Variants in USH2A observed in about 807,000 individuals in gnomAD.
The protein encoded by USH2A is Usher syndrome 2A (autosomal recessive, mild).
In USH2A, 443 loss-of-function variants were observed where a neutral mutation model predicts 538.9. That is an observed-to-expected ratio of 0.82 (90% CI 0.76 to 0.89). USH2A has a LOEUF of 0.89. USH2A is among the 40% of genes least tolerant of loss of function. The pLI, the probability that USH2A is intolerant of heterozygous loss-of-function variation, is 0.00. For synonymous variants in USH2A, 2,413 were observed against 2,273.5 expected (o/e 1.06, Z -1.75); for missense variants, 6,633 against 6,324.8 (o/e 1.05, Z -1.65).
At chr1:215,789,671 G>A (rs936204698) in intron 51 of USH2A, among the ~76,000 whole-genome samples, 20 of 152,136 alleles carry the variant, frequency 1.3e-4, no homozygotes, top group African/African-American at 4.3e-4. Context: ...AAGGAAAGTG[G>A]TGGATGATGG....
At chr1:216,379,809 A>G (rs1248155410) in intron 3 of USH2A, among the ~76,000 whole-genome samples, 1 of 152,178 alleles carries the variant, frequency 6.6e-6, no homozygotes, top group Non-Finnish European at 1.5e-5. Flanking sequence ...AACAAATTAC[A>G]TTTGCGACCC....
At chr1:215,715,591 C>T (rs1349352020) in intron 61 of USH2A, among the ~76,000 whole-genome samples, 1 of 152,146 alleles carries the variant, frequency 6.6e-6, no homozygotes, top group Non-Finnish European at 1.5e-5. Context: ...GGACAGTGCT[C>T]TTGACATTTC....
intron 38 of USH2A, among the ~76,000 whole-genome samples, chr1:215,912,236 C>T (rs1004862234): frequency 2.0e-5 from 3 of 151,842 alleles, no homozygotes; most frequent in African/African-American, 7.3e-5. Context: ...GCCTTGGTTG[C>T]CTGTGCTTGT....
intron 56 of USH2A, among the ~76,000 whole-genome samples, chr1:215,764,905 TGCAGAGGAAAGTC>T (rs1419078403): frequency 2.4e-4 from 37 of 152,144 alleles, no homozygotes; most frequent in Non-Finnish European, 4.0e-4. Context: ...ATGTTTCTTC[TGCAGAGGAAAGTC>T]CATTTCATCT....
chr1:215,713,884 C>T (rs988925493), intron 61 of USH2A, among the ~76,000 whole-genome samples: 2 of 152,176 alleles, frequency 1.3e-5, no homozygotes, highest in South Asian at 2.1e-4. Context: ...AAAGAAAAGG[C>T]TTTAGAAGCT....
intron 55 of USH2A, among the ~76,000 whole-genome samples, chr1:215,768,205 T>G (rs1041919931): frequency 2.6e-5 from 4 of 152,196 alleles, no homozygotes; most frequent in African/African-American, 7.2e-5. Context: ...TTTCAGAGCC[T>G]TCAACCGTCT....
chr1:215,741,256 A>T, intron 60 of USH2A, 119 bp downstream of exon 60: 1 of 1,290,702 alleles, frequency 7.7e-7, no homozygotes. Flanking sequence ...AAACAAAAAA[A>T]AACACAACAT....
At chr1:215,643,374 TA>T (rs140529817) in intron 67 of USH2A, among the ~76,000 whole-genome samples, 3,331 of 152,224 alleles carry the variant, frequency 0.022, 118 homozygotes, top group African/African-American at 0.072. Context: ...AAAAGTAGCA[TA>T]AGTGGTATTT....
At chr1:215,729,105 T>C (rs1439229951) in intron 60 of USH2A, among the ~76,000 whole-genome samples, 2 of 152,156 alleles carry the variant, frequency 1.3e-5, no homozygotes, top group African/African-American at 4.8e-5. Context: ...GTAGCAAATA[T>C]GATGATTGCA....
intron 45 of USH2A, 86 bp from the exon 46 acceptor site, chr1:215,844,582 T>C (rs1433968575): frequency 7.2e-7 from 1 of 1,386,272 alleles, no homozygotes; most frequent in Admixed American, 1.8e-5. Flanking sequence ...TATTTAGGTT[T>C]AGCAAAGGGT....
At chr1:215,901,359 C>T in intron 38 of USH2A, 1 of 181,508 alleles carries the variant, frequency 5.5e-6, no homozygotes, top group Non-Finnish European at 1.2e-5. Context: ...CAATGGCTTT[C>T]TTTTCCTTTC....
chr1:215,878,657 C>T, intron 42 of USH2A, 107 bp downstream of exon 42: 5 of 1,150,786 alleles, frequency 4.3e-6, no homozygotes, highest in Non-Finnish European at 6.3e-6. Flanking sequence ...ATATTCAATG[C>T]CAAATTAGTT....
At chr1:216,076,879 G>T (rs140960693) in intron 27 of USH2A, among the ~76,000 whole-genome samples, 1 of 152,116 alleles carries the variant, frequency 6.6e-6, no homozygotes, top group Non-Finnish European at 1.5e-5. Context: ...TTTTTCACAC[G>T]TGGGAGGGTG....
At chr1:215,877,432 T>C (rs1235488592) in intron 43 of USH2A, among the ~76,000 whole-genome samples, 2 of 152,276 alleles carry the variant, frequency 1.3e-5, no homozygotes, top group East Asian at 3.9e-4. Flanking sequence ...CCAGGAATTT[T>C]CCCCATTTTG....
At chr1:216,001,801 C>T (rs1413475244) in intron 32 of USH2A, among the ~76,000 whole-genome samples, 1 of 151,922 alleles carries the variant, frequency 6.6e-6, no homozygotes, top group Non-Finnish European at 1.5e-5. Context: ...ATGCAAAGTA[C>T]AATCAATTGG....
chr1:215,683,525 G>C (rs74141394), intron 61 of USH2A, among the ~76,000 whole-genome samples: 1 of 152,092 alleles, frequency 6.6e-6, no homozygotes, highest in Middle Eastern at 3.2e-3. Flanking sequence ...TCTCATTTAC[G>C]TACTAAGTTT....
chr1:215,941,039 T>C (rs1221156202), intron 37 of USH2A, among the ~76,000 whole-genome samples: 2 of 152,106 alleles, frequency 1.3e-5, no homozygotes, highest in African/African-American at 4.8e-5. Context: ...TTAAAGTTTG[T>C]TGAAGCATGT....
At chr1:215,934,944 A>G in intron 37 of USH2A, 149 bp from the exon 38 acceptor site, 2 of 709,518 alleles carry the variant, frequency 2.8e-6, no homozygotes, top group Non-Finnish European at 4.4e-6. Context: ...TGCTTCTATC[A>G]ATGCACATAT....
chr1:216,061,592 C>G (rs74143927), intron 30 of USH2A, among the ~76,000 whole-genome samples: 224 of 152,236 alleles, frequency 1.5e-3, no homozygotes, highest in African/African-American at 5.1e-3. Flanking sequence ...GTACAAATGT[C>G]CAGGCCACAT....
Sources: allele counts gnomAD v4.1 joint callset (sites outside exome capture counted in the v4.1 genomes callset), GRCh38; gene constraint gnomAD v4.1.1; transcripts MANE v1.5; gene names NCBI Gene and HGNC (gene_info 2026-07-23, HGNC 2026-07-21).